GNE: variants seen among roughly 807,000 people sequenced by gnomAD.
GNE encodes the protein bifunctional UDP-N-acetylglucosamine 2-epimerase/N-acetylmannosamine kinase.
Under a neutral mutation model 61.8 loss-of-function variants are expected in GNE, and 41 were observed. That is an observed-to-expected ratio of 0.66 (90% CI 0.52 to 0.86). GNE has a LOEUF of 0.86. Ranked by LOEUF, GNE falls within the 40% of genes least tolerant of loss-of-function variation. The pLI is 0.00. For synonymous variants in GNE, 264 were observed against 326.4 expected, an observed-to-expected ratio of 0.81 and a Z score of 2.06; for missense variants, 608 against 909.1, an observed-to-expected ratio of 0.67 and a Z score of 4.26.
intron 7 of GNE, among the ~76,000 whole-genome samples, chr9:36,224,737 G>A (rs1828780332): frequency 1.3e-5 from 2 of 152,110 alleles, no homozygotes; most frequent in African/African-American, 4.8e-5. Context: ...GGGCGTGGTG[G>A]CACACGCCTG....
intron 3 of GNE, among the ~76,000 whole-genome samples, chr9:36,238,101 GATATAA>G (rs1221984318): frequency 7.0e-6 from 1 of 141,902 alleles, no homozygotes; most frequent in Non-Finnish European, 1.5e-5. Flanking sequence ...TATAGATGTA[GATATAA>G]ATAGATATAT....
intron 1 of GNE, among the ~76,000 whole-genome samples, chr9:36,257,681 T>C (rs1830421234): frequency 6.6e-6 from 1 of 150,720 alleles, no homozygotes; most frequent in Non-Finnish European, 1.5e-5. Flanking sequence ...TGGGCGCCTG[T>C]AGTCCCAGCT....
At chr9:36,266,592 G>A (rs1309885882) in intron 1 of GNE, among the ~76,000 whole-genome samples, 1 of 151,790 alleles carries the variant, frequency 6.6e-6, no homozygotes, top group Non-Finnish European at 1.5e-5. Context: ...TGGTCAACAC[G>A]GTGAAATCCC....
At chr9:36,250,716 T>C (rs959291434) in intron 1 of GNE, among the ~76,000 whole-genome samples, 2 of 152,232 alleles carry the variant, frequency 1.3e-5, no homozygotes, top group Non-Finnish European at 2.9e-5. Flanking sequence ...AGTCTCACTC[T>C]GTCGCCCAGG....
chr9:36,260,652 A>G (rs565404238), upstream of GNE, among the ~76,000 whole-genome samples: 6 of 151,544 alleles, frequency 4.0e-5, no homozygotes, highest in Admixed American at 2.6e-4. Flanking sequence ...GGCGGATCAC[A>G]AGGTGAGGAG....
intron 1 of GNE, among the ~76,000 whole-genome samples, chr9:36,273,526 A>C (rs1831124680): frequency 6.6e-6 from 1 of 151,712 alleles, no homozygotes; most frequent in Non-Finnish European, 1.5e-5. Flanking sequence ...CACACTCCAT[A>C]AACTTTACGT....
At chr9:36,265,033 A>C (rs1830727280) in intron 1 of GNE, 2 of 284,612 alleles carry the variant, frequency 7.0e-6, no homozygotes, top group African/African-American at 4.4e-5. Flanking sequence ...TGTTTGCCGC[A>C]GTCGCAGACC....
rs1057516340 is a variant in GNE at position 36,222,793 on chromosome 9, TGTAACAAA to T, written c.1609_1616del (p.Phe537ThrfsTer16). ...CCCTCTTACCTGTGCCTGTGATAAGTGTAACAAAGTTTTCCAGTCCCTTTCCTTGGCCA... is the reference window on the plus strand; with the variant it reads ...CCCTCTTACCTGTGCCTGTGATAAGTGTTTTCCAGTCCCTTTCCTTGGCCA... On this transcript the variant is annotated frameshift_variant, in exon 9 of 12. Transcript: ENST00000642385. LOFTEE classifies it high-confidence loss of function. 3 of 1,612,952 alleles carry T rather than the reference TGTAACAAA, an allele frequency of 1.9e-6. No individual in the cohort carries two copies. The highest frequency in any genetic ancestry group is 2.5e-6 in the Non-Finnish European group (3 of 1,178,944).
chr9:36,273,626 C>G (rs1389288688), intron 1 of GNE, among the ~76,000 whole-genome samples: 1 of 151,446 alleles, frequency 6.6e-6, no homozygotes, highest in East Asian at 1.9e-4. Flanking sequence ...GCCCCTGACT[C>G]TGTTCTACTG....
At chr9:36,273,366 G>A (rs535576317) in intron 1 of GNE, among the ~76,000 whole-genome samples, 73 of 151,410 alleles carry the variant, frequency 4.8e-4, no homozygotes, top group Non-Finnish European at 9.6e-4. Context: ...ACAGGCACCC[G>A]CCACCACACC....
rs1828352048 is a variant in GNE at position 36,217,175 on chromosome 9, T to C, written c.*190A>G. On this transcript the variant is annotated 3_prime_UTR_variant, in exon 12 of 12. Coordinates refer to ENST00000642385, the MANE Select transcript of GNE (RefSeq NM_005476.7). ...CCTAGTAAGAAGACATCAGAAAGAA[T>C]AGCATCTACAAAAATAGGAGTGGGG... The C allele has an allele frequency of 1.3e-5, 8 of 629,314 alleles. No homozygotes were observed. Among genetic ancestry groups the C allele is most frequent in the Non-Finnish European group, 2.3e-5 (8 of 350,936 alleles). The allele number at this position is 629,314 out of a possible 1,614,324, so 39.0% of individuals were successfully genotyped here.
At chr9:36,272,600 G>A (rs1486425631) in intron 1 of GNE, among the ~76,000 whole-genome samples, 27 of 132,660 alleles carry the variant, frequency 2.0e-4, no homozygotes, top group Admixed American at 6.9e-4. Context: ...CAGCCTGGGC[G>A]ACAGAGCGAG....
intron 5 of GNE, among the ~76,000 whole-genome samples, chr9:36,230,978 A>G (rs1055390879): frequency 3.3e-5 from 5 of 151,600 alleles, no homozygotes; most frequent in African/African-American, 9.7e-5. Flanking sequence ...TTAGCCAGGC[A>G]TCTGATCCCC....
chr9:36,245,501 G>A lies in GNE; in HGVS notation c.616+530C>T, dbSNP rs553660223. 3.3e-5 allele frequency among the ~76,000 whole-genome samples: 5 copies of A among 151,382 alleles called. No homozygotes were observed. The South Asian group carries it at 6.3e-4, about 19-fold the overall frequency. ...GGAGTTCGAGACCAGCCTGGCCAACGTGGTGAAATTAAAAATAGAAAAATT... is the reference window on the plus strand; with the variant it reads ...GGAGTTCGAGACCAGCCTGGCCAACATGGTGAAATTAAAAATAGAAAAATT... On this transcript the variant is annotated intron_variant, in intron 3 of 11. Coordinates refer to ENST00000642385, the MANE Select transcript of GNE (RefSeq NM_005476.7).
intron 1 of GNE, chr9:36,265,319 G>C (rs998427664): frequency 9.2e-5 from 41 of 444,896 alleles, no homozygotes; most frequent in Non-Finnish European, 1.7e-4. Context: ...GTCAGAGAAC[G>C]AGAGGCTTGC....
chr9:36,239,448 T>G (rs12555083), intron 3 of GNE, among the ~76,000 whole-genome samples: 3,158 of 152,030 alleles, frequency 0.021, 52 homozygotes, highest in Non-Finnish European at 0.032. Context: ...ATGATTTCTT[T>G]CTTTCTATCT....
chr9:36,232,342 C>A (rs552387970), intron 5 of GNE, among the ~76,000 whole-genome samples: 4 of 108,264 alleles, frequency 3.7e-5, no homozygotes, highest in African/African-American at 8.4e-5. Flanking sequence ...CCCCGCCCCC[C>A]CTCCCGACAT....
Position 36,215,440 on chromosome 9 carries a change from T to C in GNE, c.*1925A>G, listed in dbSNP as rs1563923009. 1 of 152,192 alleles carries C rather than the reference T, an allele frequency of 6.6e-6. No homozygotes were observed. The highest frequency in any genetic ancestry group is 1.9e-4 in the East Asian group (1 of 5,206). 9.4% of individuals were successfully genotyped at this position (152,192 alleles called of 1,614,324 possible). ...ATTAAGTCATTTACAAATCAGATAT[T>C]AGTATTAAAGTTTTTGGTGGCCTAG... is the stretch of plus-strand genomic sequence containing the variant. On this transcript the variant is annotated 3_prime_UTR_variant, in exon 12 of 12. Transcript: ENST00000642385.
chr9:36,236,759 CA>C (rs1418950256), intron 4 of GNE, 72 bp downstream of exon 4: 2 of 1,243,618 alleles, frequency 1.6e-6, no homozygotes, highest in Non-Finnish European at 2.4e-6. Flanking sequence ...GATAGGAAGG[CA>C]GTTAAAAGAA....
Sources: gnomAD v4.1 joint callset for allele counts (sites outside exome capture counted in the v4.1 genomes callset) on GRCh38, gnomAD v4.1.1 for gene constraint, MANE v1.5 for transcripts, NCBI Gene and HGNC (gene_info 2026-07-23, HGNC 2026-07-21) for gene names.